DPP10: variants seen among roughly 807,000 people sequenced by gnomAD.
DPP10 encodes the protein dipeptidyl peptidase like 10, also known as inactive dipeptidyl peptidase 10.
In DPP10, 33 loss-of-function variants were observed where a neutral mutation model predicts 120.9. That is an observed-to-expected ratio of 0.27 (90% confidence interval 0.21 to 0.37). The LOEUF is 0.37. Among genes scored for constraint, DPP10 ranks in the 10% least tolerant of loss-of-function variants. The pLI is 1.00. For synonymous variants in DPP10, 337 were observed against 326.1 expected (o/e 1.03, Z -0.36); for missense variants, 816 against 942.8 (o/e 0.87, Z 1.76).
chr2:115,104,637 C>A (rs2048859176), intron 1 of DPP10, among the ~76,000 whole-genome samples: 1 of 152,126 alleles, frequency 6.6e-6, no homozygotes, highest in African/African-American at 2.4e-5. Flanking sequence ...GACCACTGCC[C>A]TCCAATATAA....
intron 7 of DPP10, among the ~76,000 whole-genome samples, chr2:115,708,629 C>CT (rs1168592827): frequency 1.3e-5 from 2 of 151,778 alleles, no homozygotes; most frequent in African/African-American, 4.8e-5. Flanking sequence ...TCCAAAAGAG[C>CT]TTTTTTTGGG....
intron 1 of DPP10, among the ~76,000 whole-genome samples, chr2:114,982,106 G>C (rs568728192): frequency 6.6e-6 from 1 of 152,086 alleles, no homozygotes; most frequent in South Asian, 2.1e-4. Flanking sequence ...ATTTTGGCCA[G>C]GCTGGTCTCG....
At chr2:115,546,149 T>C (rs2079486876) in intron 5 of DPP10, among the ~76,000 whole-genome samples, 1 of 152,128 alleles carries the variant, frequency 6.6e-6, no homozygotes, top group Admixed American at 6.6e-5. Context: ...ATGACACTGA[T>C]GAGTTCCATT....
chr2:115,026,300 A>G (rs62164485), intron 1 of DPP10, among the ~76,000 whole-genome samples: 36,103 of 151,858 alleles, frequency 0.24, 5,431 homozygotes, highest in South Asian at 0.39. Flanking sequence ...TCCTTATTGT[A>G]TGTTCTAGGT....
intron 5 of DPP10, among the ~76,000 whole-genome samples, chr2:115,661,653 C>T (rs1423292867): frequency 1.3e-5 from 2 of 152,090 alleles, no homozygotes; most frequent in East Asian, 3.9e-4. Flanking sequence ...GAAGCTTAGC[C>T]CTGATCTGGG....
intron 1 of DPP10, among the ~76,000 whole-genome samples, chr2:115,206,828 C>T (rs1352090537): frequency 1.3e-5 from 2 of 152,154 alleles, no homozygotes; most frequent in Non-Finnish European, 2.9e-5. Flanking sequence ...CATGTGCATG[C>T]TATTTGTCCA....
intron 5 of DPP10, among the ~76,000 whole-genome samples, chr2:115,536,921 G>A (rs899719067): frequency 6.6e-6 from 1 of 152,000 alleles, no homozygotes; most frequent in African/African-American, 2.4e-5. Context: ...ATTAATAGAT[G>A]AGTAGAATTA....
chr2:115,010,340 C>G (rs996200223), intron 1 of DPP10, among the ~76,000 whole-genome samples: 5 of 152,068 alleles, frequency 3.3e-5, no homozygotes, highest in African/African-American at 1.2e-4. Context: ...TTCTTTCTGC[C>G]TCATTAAATA....
chr2:114,483,329 T>C (rs940063704), intron 1 of DPP10, among the ~76,000 whole-genome samples: 1 of 152,096 alleles, frequency 6.6e-6, no homozygotes, highest in African/African-American at 2.4e-5. Context: ...AGTGTACATC[T>C]GTTCCACTAG....
chr2:114,886,778 CAGTCATGT>C (rs1487452846), intron 1 of DPP10, among the ~76,000 whole-genome samples: 1 of 152,178 alleles, frequency 6.6e-6, no homozygotes, highest in Non-Finnish European at 1.5e-5. Context: ...GCCTATTCTG[CAGTCATGT>C]AGTCGAGGCC....
intron 1 of DPP10, among the ~76,000 whole-genome samples, chr2:115,021,000 TC>T (rs1703031998): frequency 6.6e-6 from 1 of 151,920 alleles, no homozygotes; most frequent in African/African-American, 2.4e-5. Flanking sequence ...TATCAAAACC[TC>T]TAGAATACAG....
intron 1 of DPP10, among the ~76,000 whole-genome samples, chr2:115,307,853 T>C (rs2061422087): frequency 6.6e-6 from 1 of 152,080 alleles, no homozygotes; most frequent in South Asian, 2.1e-4. Flanking sequence ...ACTGTATTGA[T>C]TTACGTGGAA....
intron 1 of DPP10, among the ~76,000 whole-genome samples, chr2:114,886,213 A>G (rs967339455): frequency 6.6e-6 from 1 of 152,182 alleles, no homozygotes; most frequent in African/African-American, 2.4e-5. Flanking sequence ...AATTCTGAAT[A>G]AGTAGATGAA....
At chr2:115,753,039 A>G (rs1436481246) in intron 10 of DPP10, 135 bp from the exon 11 acceptor site, 2 of 636,068 alleles carry the variant, frequency 3.1e-6, no homozygotes, top group South Asian at 3.5e-5. Context: ...CTATCTATCT[A>G]TACATAAATT....
intron 1 of DPP10, among the ~76,000 whole-genome samples, chr2:114,917,323 C>G (rs930422904): frequency 6.6e-6 from 1 of 152,102 alleles, no homozygotes; most frequent in African/African-American, 2.4e-5. Context: ...TCAGAGACGA[C>G]ATAAACAAAT....
chr2:114,572,605 TTG>T (rs1689745025), intron 1 of DPP10, among the ~76,000 whole-genome samples: 3 of 152,294 alleles, frequency 2.0e-5, no homozygotes, highest in South Asian at 4.1e-4. Context: ...ATGAGAACTA[TTG>T]TGTGAGCTTT....
At chr2:115,065,925 T>A (rs1229845304) in intron 1 of DPP10, among the ~76,000 whole-genome samples, 1 of 152,230 alleles carries the variant, frequency 6.6e-6, no homozygotes, top group Non-Finnish European at 1.5e-5. Context: ...CCTTTAAATC[T>A]TAAATTGTGT....
At chr2:115,783,376 A>G (rs1317578080) in intron 17 of DPP10, among the ~76,000 whole-genome samples, 2 of 152,132 alleles carry the variant, frequency 1.3e-5, no homozygotes, top group African/African-American at 4.8e-5. Context: ...TACTTTTTCT[A>G]TTGTGCTTTT....
intron 3 of DPP10, among the ~76,000 whole-genome samples, chr2:115,367,502 A>G (rs572363088): frequency 1.6e-4 from 24 of 152,128 alleles, no homozygotes; most frequent in Middle Eastern, 3.4e-3. Flanking sequence ...GCACAATTTT[A>G]ATATTAACTA....
Sources: gnomAD v4.1 joint callset for allele counts (sites outside exome capture counted in the v4.1 genomes callset) on GRCh38, gnomAD v4.1.1 for gene constraint, MANE v1.5 for transcripts, NCBI Gene and HGNC (gene_info 2026-07-23, HGNC 2026-07-21) for gene names.